MECOM: variants seen among roughly 807,000 people sequenced by gnomAD.
The protein encoded by MECOM is MDS1 and EVI1 complex locus, also known as histone-lysine N-methyltransferase MECOM.
In MECOM, 13 loss-of-function variants were observed where a neutral mutation model predicts 116.3. The observed-to-expected ratio is 0.11, with a 90% CI of 0.07 to 0.18. The LOEUF (loss-of-function observed/expected upper bound fraction) is 0.18. MECOM is among the 10% of genes least tolerant of loss of function. The pLI, the probability that MECOM is intolerant of heterozygous loss-of-function variation, is 1.00. For synonymous variants in MECOM, 528 were observed against 535.2 expected (o/e 0.99, Z 0.19); for missense variants, 1,299 against 1,509.0 (o/e 0.86, Z 2.31).
intron 2 of MECOM, among the ~76,000 whole-genome samples, chr3:169,348,505 G>A (rs1215404281): frequency 6.6e-6 from 1 of 151,956 alleles, no homozygotes; most frequent in African/African-American, 2.4e-5. Context: ...ATTTGAGGAT[G>A]AGTAGAATAT....
chr3:169,287,900 G>T (rs1713670019), intron 2 of MECOM, among the ~76,000 whole-genome samples: 1 of 152,162 alleles, frequency 6.6e-6, no homozygotes, highest in South Asian at 2.1e-4. Flanking sequence ...TTTGTGCCCA[G>T]GGCATGATTC....
chr3:169,470,235 C>T (rs904724592), intron 1 of MECOM: 1 of 152,062 alleles, frequency 6.6e-6, no homozygotes, highest in South Asian at 2.1e-4. Flanking sequence ...TTCCAACTTC[C>T]TCTATTCATA....
intron 1 of MECOM, among the ~76,000 whole-genome samples, chr3:169,649,723 A>G (rs920392861): frequency 1.3e-5 from 2 of 152,224 alleles, no homozygotes; most frequent in African/African-American, 4.8e-5. Context: ...CCCTCATGGA[A>G]CAACCAGTAA....
intron 2 of MECOM, among the ~76,000 whole-genome samples, chr3:169,315,628 C>G (rs367931035): frequency 1.3e-5 from 2 of 152,264 alleles, no homozygotes; most frequent in East Asian, 3.9e-4. Context: ...CCATATACTA[C>G]CACAGTTCCC....
chr3:169,460,029 C>A (rs1396302845), intron 1 of MECOM, among the ~76,000 whole-genome samples: 1 of 152,126 alleles, frequency 6.6e-6, no homozygotes, highest in East Asian at 1.9e-4. Flanking sequence ...CCCAATTTCT[C>A]AGGCAGATAA....
chr3:169,392,252 C>CT (rs1358058816), intron 1 of MECOM, among the ~76,000 whole-genome samples: 14 of 152,124 alleles, frequency 9.2e-5, no homozygotes, highest in South Asian at 8.3e-4. Flanking sequence ...ATACATTTGA[C>CT]TTTCAAAATC....
intron 1 of MECOM, among the ~76,000 whole-genome samples, chr3:169,500,200 T>A (rs1754365755): frequency 6.6e-6 from 1 of 152,092 alleles, no homozygotes; most frequent in South Asian, 2.1e-4. Flanking sequence ...AGATGATATA[T>A]CTGAAAGTTA....
At chr3:169,522,530 T>A (rs1576702740) in intron 1 of MECOM, among the ~76,000 whole-genome samples, 1 of 152,180 alleles carries the variant, frequency 6.6e-6, no homozygotes, top group East Asian at 1.9e-4. Flanking sequence ...TAAGAGCCAA[T>A]GTATGATAAG....
intron 2 of MECOM, among the ~76,000 whole-genome samples, chr3:169,310,329 T>C (rs763021106): frequency 6.6e-6 from 1 of 152,242 alleles, no homozygotes; most frequent in Non-Finnish European, 1.5e-5. Flanking sequence ...CTCTGCCTTC[T>C]TCAGATCACT....
chr3:169,429,583 T>C (rs982546615), intron 1 of MECOM, among the ~76,000 whole-genome samples: 1 of 152,174 alleles, frequency 6.6e-6, no homozygotes, highest in African/African-American at 2.4e-5. Flanking sequence ...GTAAAGTTTA[T>C]AGGGAGAAAA....
rs866994338 is a variant in MECOM at position 169,347,768 on chromosome 3, G to A, written c.375+33419C>T. Among the ~76,000 whole-genome samples, 5 of 151,958 alleles carry A rather than the reference G, an allele frequency of 3.3e-5. No homozygotes were observed. In the South Asian group the frequency reaches 1.0e-3, roughly 32 times the overall value. Reference sequence around the variant, plus strand: ...ATTAGAAATTCTGTGTGGATGACAGGCCTCTGTGAACATAAGAGCAAGAGC... The same window carrying A: ...ATTAGAAATTCTGTGTGGATGACAGACCTCTGTGAACATAAGAGCAAGAGC... On this transcript the variant is annotated intron_variant, in intron 2 of 16. Transcript: ENST00000651503.
intron 1 of MECOM, among the ~76,000 whole-genome samples, chr3:169,578,346 T>C (rs1764747859): frequency 6.6e-6 from 1 of 152,182 alleles, no homozygotes; most frequent in South Asian, 2.1e-4. Context: ...CTATGGAGCA[T>C]AAATTTTTTT....
intron 2 of MECOM, among the ~76,000 whole-genome samples, chr3:169,292,168 C>A (rs922921563): frequency 6.6e-6 from 1 of 151,924 alleles, no homozygotes; most frequent in Non-Finnish European, 1.5e-5. Context: ...CATGGTGAAA[C>A]CCTGTCTCTA....
chr3:169,173,797 A>C (rs112367260), intron 2 of MECOM, among the ~76,000 whole-genome samples: 11 of 152,298 alleles, frequency 7.2e-5, no homozygotes, highest in African/African-American at 2.6e-4. Context: ...TTGAATGACT[A>C]TCTGTATGTG....
intron 1 of MECOM, among the ~76,000 whole-genome samples, chr3:169,407,008 A>G (rs1277554414): frequency 6.6e-6 from 1 of 151,770 alleles, no homozygotes; most frequent in Admixed American, 6.6e-5. Context: ...ACGCCCAGCT[A>G]ATTTTTTCTC....
At chr3:169,338,192 G>A (rs1176905956) in intron 2 of MECOM, among the ~76,000 whole-genome samples, 1 of 152,118 alleles carries the variant, frequency 6.6e-6, no homozygotes, top group Non-Finnish European at 1.5e-5. Context: ...CAGGAACCTG[G>A]CCCTCCTCAG....
chr3:169,635,798 A>G (rs887429869), intron 1 of MECOM, among the ~76,000 whole-genome samples: 2 of 152,124 alleles, frequency 1.3e-5, no homozygotes, highest in Admixed American at 1.3e-4. Flanking sequence ...TTCATAATTA[A>G]TTTATTTCTT....
chr3:169,096,318 TG>T (rs1237601364), intron 12 of MECOM, among the ~76,000 whole-genome samples: 4 of 151,866 alleles, frequency 2.6e-5, no homozygotes, highest in Admixed American at 1.3e-4. Context: ...TCACCCAGGC[TG>T]GAGTGCAGTG....
intron 1 of MECOM, among the ~76,000 whole-genome samples, chr3:169,464,962 T>A (rs767717456): frequency 3.5e-4 from 53 of 152,150 alleles, no homozygotes; most frequent in Non-Finnish European, 4.6e-4. Flanking sequence ...ATATTTAATA[T>A]TTAAAATGTT....
Sources: gnomAD v4.1 joint callset for allele counts (sites outside exome capture counted in the v4.1 genomes callset) on GRCh38, gnomAD v4.1.1 for gene constraint, MANE v1.5 for transcripts, NCBI Gene and HGNC (gene_info 2026-07-23, HGNC 2026-07-21) for gene names.